HSD17B12: variants seen among roughly 807,000 people sequenced by gnomAD.
HSD17B12 encodes hydroxysteroid 17-beta dehydrogenase 12.
Under a neutral mutation model 39.3 loss-of-function variants are expected in HSD17B12, and 32 were observed. That is an observed-to-expected ratio of 0.81 (90% CI 0.61 to 1.09). The LOEUF (loss-of-function observed/expected upper bound fraction) is 1.09, where lower values mean the gene tolerates loss of function less well. HSD17B12 is among the 50% of genes least tolerant of loss of function. The pLI, the probability that HSD17B12 is intolerant of heterozygous loss-of-function variation, is 0.00. For synonymous variants in HSD17B12, 150 were observed against 146.7 expected (o/e 1.02, Z -0.16); for missense variants, 342 against 382.9 (o/e 0.89, Z 0.89).
intron 1 of HSD17B12, among the ~76,000 whole-genome samples, chr11:43,691,661 C>G (rs1258429522): frequency 6.6e-6 from 1 of 152,220 alleles, no homozygotes; most frequent in Non-Finnish European, 1.5e-5. Flanking sequence ...CTTACACATA[C>G]AGGTCAGAAG....
chr11:43,642,691 C>T, the HSD17B12 span, among the ~76,000 whole-genome samples: 17 of 151,782 alleles, frequency 1.1e-4, no homozygotes, highest in African/African-American at 4.1e-4. Flanking sequence ...TAGCAAAATA[C>T]TAACTAAAGA....
At chr11:43,664,099 T>C in the HSD17B12 span, among the ~76,000 whole-genome samples, 15 of 152,232 alleles carry the variant, frequency 9.9e-5, no homozygotes, top group African/African-American at 3.1e-4. Context: ...TCTGCCTGCC[T>C]CAGCCTCCCA....
intron 1 of HSD17B12, among the ~76,000 whole-genome samples, chr11:43,726,781 A>T (rs563592012): frequency 4.6e-5 from 7 of 152,340 alleles, no homozygotes; most frequent in African/African-American, 1.7e-4. Context: ...TTCTGTCTGT[A>T]TTCATGTACA....
chr11:43,617,662 C>G, the HSD17B12 span, among the ~76,000 whole-genome samples: 2 of 152,080 alleles, frequency 1.3e-5, no homozygotes, highest in African/African-American at 2.4e-5. Context: ...AGTCTGTGTA[C>G]GCCAAAACCA....
chr11:43,598,529 A>G, the HSD17B12 span, among the ~76,000 whole-genome samples: 2 of 151,994 alleles, frequency 1.3e-5, no homozygotes, highest in Non-Finnish European at 2.9e-5. Flanking sequence ...AGTGGGAACC[A>G]GACCCTTATT....
At chr11:43,702,845 T>C (rs975505346) in intron 1 of HSD17B12, among the ~76,000 whole-genome samples, 1 of 152,188 alleles carries the variant, frequency 6.6e-6, no homozygotes, top group African/African-American at 2.4e-5. Flanking sequence ...TCAGCTATTG[T>C]TAATGTTAGT....
At chr11:43,739,185 G>A (rs4755736) in intron 1 of HSD17B12, among the ~76,000 whole-genome samples, 3 of 151,896 alleles carry the variant, frequency 2.0e-5, no homozygotes, top group Non-Finnish European at 4.4e-5. Flanking sequence ...TGTTTCAGTC[G>A]GGTGTGACAA....
At chr11:43,561,321 G>C in the HSD17B12 span, among the ~76,000 whole-genome samples, 1 of 152,224 alleles carries the variant, frequency 6.6e-6, no homozygotes, top group African/African-American at 2.4e-5. Context: ...CAAGTTCTCA[G>C]AAATTACTTT....
chr11:43,854,623 C>A, intron 9 of HSD17B12, 92 bp from the exon 10 acceptor site: 1 of 1,340,002 alleles, frequency 7.5e-7, no homozygotes, highest in Non-Finnish European at 1.0e-6. Flanking sequence ...GATGTTTCTA[C>A]CACTAAGAGC....
chr11:43,567,309 C>T, the HSD17B12 span, among the ~76,000 whole-genome samples: 21 of 152,294 alleles, frequency 1.4e-4, no homozygotes, highest in East Asian at 2.1e-3. Context: ...TCTCCTGGGA[C>T]CAGCCCCATA....
chr11:43,719,109 A>G (rs1384169947), intron 1 of HSD17B12: 9 of 762,592 alleles, frequency 1.2e-5, no homozygotes, highest in East Asian at 2.4e-5. Flanking sequence ...CCTGATTACA[A>G]TGCTTTGGAT....
rs1278351853 is a variant in HSD17B12, at chr11:43,680,889, A to G, written c.62A>G (p.Tyr21Cys). Residue 21 changes from tyrosine to cysteine, a missense_variant, in exon 1 of 11, where the codon TAC (tyrosine) becomes TGC (cysteine). Physicochemically the swap from Tyr to Cys is radical, Grantham distance 194. Transcript: ENST00000278353. ...TGGGTCGGCGCGGGCACCGTGGCCT[A>G]CCTAGCCCTGCGTATTTCGTACTCG... is the stretch of plus-strand genomic sequence containing the variant. ...LYWVGAGTVA[Y>C]LALRISYSLF... 1 of 1,613,686 alleles carries G rather than the reference A, an allele frequency of 6.2e-7. No individual in the cohort carries two copies. The highest frequency in any genetic ancestry group is 8.5e-7 in the Non-Finnish European group (1 of 1,179,944).
At chr11:43,808,017 G>A (rs759099247) in intron 4 of HSD17B12, among the ~76,000 whole-genome samples, 10 of 152,172 alleles carry the variant, frequency 6.6e-5, no homozygotes, top group Non-Finnish European at 1.5e-4. Flanking sequence ...TAGACGACTA[G>A]CAGTTAGCAA....
chr11:43,812,007 C>G (rs1287649703), intron 4 of HSD17B12, among the ~76,000 whole-genome samples: 1 of 152,170 alleles, frequency 6.6e-6, no homozygotes, highest in East Asian at 1.9e-4. Flanking sequence ...TCACTTAACA[C>G]AGTGACCTCC....
intron 4 of HSD17B12, among the ~76,000 whole-genome samples, chr11:43,809,855 A>T (rs1347759166): frequency 6.6e-6 from 1 of 152,114 alleles, no homozygotes; most frequent in Non-Finnish European, 1.5e-5. Flanking sequence ...AATAAATAAG[A>T]TGTCTTTTTA....
At chr11:43,668,372 A>T in the HSD17B12 span, among the ~76,000 whole-genome samples, 1 of 152,170 alleles carries the variant, frequency 6.6e-6, no homozygotes, top group Non-Finnish European at 1.5e-5. Context: ...AAAGCTGGGA[A>T]AGATTCTCCA....
At chr11:43,595,840 G>A in the HSD17B12 span, among the ~76,000 whole-genome samples, 15 of 151,216 alleles carry the variant, frequency 9.9e-5, no homozygotes, top group Non-Finnish European at 1.2e-4. Context: ...CACACAGAGC[G>A]AGAGAGAGAG....
In HSD17B12 at chr11:43,733,191, C is replaced by T. The variant is rs1029575644; in HGVS notation, c.161-17720C>T. 2.6e-5 allele frequency among the ~76,000 whole-genome samples: 4 copies of T among 152,174 alleles called. No homozygotes were observed. The East Asian group carries it at 5.8e-4, about 22-fold the overall frequency. On this transcript the variant is annotated intron_variant, in intron 1 of 10. Coordinates refer to ENST00000278353, the MANE Select transcript of HSD17B12 (RefSeq NM_016142.3). ...GTGCACAGTGCATTATTGCTGAATG[C>T]GTCTGTTATAGGTAGTTCCTAGTTT...
At chr11:43,675,548 C>A in the HSD17B12 span, among the ~76,000 whole-genome samples, 1 of 151,158 alleles carries the variant, frequency 6.6e-6, no homozygotes, top group African/African-American at 2.4e-5. Context: ...GGATTTTGTT[C>A]TTAATGTGAT....
Sources: allele counts gnomAD v4.1 joint callset (sites outside exome capture counted in the v4.1 genomes callset), GRCh38; gene constraint gnomAD v4.1.1; transcripts MANE v1.5; gene names NCBI Gene and HGNC (gene_info 2026-07-23, HGNC 2026-07-21).